The following ZFHX4 variants were observed in gnomAD, a reference collection of about 807,000 sequenced individuals.
ZFHX4 encodes the protein zinc finger homeobox protein 4.
Under a neutral mutation model 267.6 loss-of-function variants are expected in ZFHX4, and 56 were observed. The observed-to-expected ratio is 0.21, with a 90% CI of 0.17 to 0.26. The LOEUF (loss-of-function observed/expected upper bound fraction) is 0.26, where lower values mean the gene tolerates loss of function less well. ZFHX4 is among the 10% of genes least tolerant of loss of function. ZFHX4 has a pLI of 1.00. For missense variants in ZFHX4, 4,332 were observed against 4,420.0 expected (o/e 0.98, Z 0.56); for synonymous variants, 1,778 against 1,665.6 (o/e 1.07, Z -1.64).
chr8:76,705,599 A>G lies in ZFHX4; in HGVS notation c.1511A>G (p.Asn504Ser). 1 of 1,613,812 alleles carries G rather than the reference A, an allele frequency of 6.2e-7. No homozygotes were observed. Among genetic ancestry groups the G allele is most frequent in the Non-Finnish European group, 8.5e-7 (1 of 1,179,800 alleles). ...GGTAACAAAGATTTCCCTCTCTTAA[A>G]CCAAAGCATTTCTCCTTTATCATCC... ...SIGNKDFPLLNQSISPLSSSV... is the reference protein window; with the variant it reads ...SIGNKDFPLLSQSISPLSSSV... Residue 504 changes from asparagine to serine, a missense_variant, in exon 2 of 11, where the codon AAC (asparagine) becomes AGC (serine). By Grantham distance (46) the Asn-to-Ser change is conservative. Coordinates refer to ENST00000651372, the MANE Select transcript of ZFHX4 (RefSeq NM_024721.5).
intron 3 of ZFHX4, among the ~76,000 whole-genome samples, chr8:76,743,631 T>A (rs1809379608): frequency 6.6e-6 from 1 of 152,178 alleles, no homozygotes; most frequent in African/African-American, 2.4e-5. Flanking sequence ...AGCTAGAACA[T>A]TTTACTAAGT....
intron 1 of ZFHX4, among the ~76,000 whole-genome samples, chr8:76,682,253 C>A (rs2131566183): frequency 6.6e-6 from 1 of 152,306 alleles, no homozygotes; most frequent in South Asian, 2.1e-4. Flanking sequence ...CCCACCCCAC[C>A]TTATTCAGCC....
intron 4 of ZFHX4, among the ~76,000 whole-genome samples, chr8:76,794,700 A>T (rs1810925555): frequency 6.6e-6 from 1 of 152,186 alleles, no homozygotes; most frequent in African/African-American, 2.4e-5. Context: ...AGTTTAACCT[A>T]AGTACAAAAC....
intron 3 of ZFHX4, among the ~76,000 whole-genome samples, chr8:76,769,958 C>A (rs568975795): frequency 1.3e-5 from 2 of 152,082 alleles, no homozygotes; most frequent in Non-Finnish European, 2.9e-5. Context: ...GAGCTGCTGC[C>A]TCCTGCTACT....
rs1363835417 is a variant in ZFHX4 at position 76,855,079 on chromosome 8, G to C, written c.8158G>C (p.Gly2720Arg). 6.2e-7 allele frequency: 1 copy of C among 1,613,756 alleles called. No individual in the cohort carries two copies. Among genetic ancestry groups the C allele is most frequent in the Non-Finnish European group, 8.5e-7 (1 of 1,179,846 alleles). ...AAGCCCTTTAATATCCACCGAAGAT[G>C]GGGGAGAAAGCCCACAGAAATACAT... is the stretch of plus-strand genomic sequence containing the variant. Reference protein sequence around the residue: ...PPSPLISTEDGGESPQKYIYF... With the variant: ...PPSPLISTEDRGESPQKYIYF... The change falls in exon 10 of 11, where the codon GGG (glycine) becomes CGG (arginine). Residue 2720 changes from glycine (G) to arginine (R), a missense_variant. Gly to Arg is a moderately radical substitution (Grantham distance 125). Around this residue, in one of 7 missense-constraint regions of ZFHX4, gnomAD observed 1,648 missense variants for 1,625.0 expected, o/e 1.01. Coordinates refer to ENST00000651372, the MANE Select transcript of ZFHX4 (RefSeq NM_024721.5).
intron 3 of ZFHX4, among the ~76,000 whole-genome samples, chr8:76,735,307 A>T (rs1220211310): frequency 6.6e-6 from 1 of 152,074 alleles, no homozygotes; most frequent in Non-Finnish European, 1.5e-5. Context: ...AATTCATCAC[A>T]ATGGTCTTCA....
At position 76,855,213 on chromosome 8, in the gene ZFHX4, G is replaced by A. The variant is rs1309572592; in HGVS notation, c.8292G>A (p.Pro2764=). 13 of 1,612,362 alleles carry A rather than the reference G, an allele frequency of 8.1e-6. No homozygotes were observed. In the East Asian group the frequency reaches 1.1e-4, roughly 14 times the overall value. ...TTAGTAAAACAGCAGAGCTGTCACC[G>A]AAGAATCTTTTAAGCCCTTCTTCTT... ...TPVSKTAELS[P]KNLLSPSSFK... is the part of the protein sequence containing the mutation. Residue 2764 remains proline (P), a synonymous_variant, in exon 10 of 11, where the codon CCG becomes CCA. Transcript: ENST00000651372.
intron 4 of ZFHX4, among the ~76,000 whole-genome samples, chr8:76,816,788 G>T (rs1307746763): frequency 2.0e-5 from 3 of 151,876 alleles, no homozygotes; most frequent in Non-Finnish European, 4.4e-5. Context: ...TAGAGACGTG[G>T]TTTCTCCATG....
At position 76,683,232 on chromosome 8, in the gene ZFHX4, AC is replaced by A. The variant is rs138318531; in HGVS notation, c.-47+1620del. On this transcript the variant is annotated intron_variant, in intron 1 of 10. Coordinates refer to ENST00000651372, the MANE Select transcript of ZFHX4 (RefSeq NM_024721.5). ...CCAAAGGTTCAGATCGCAAACACGGACCCCCCCCACCTCGACCCCTACACAC... is the reference window on the plus strand; with the variant it reads ...CCAAAGGTTCAGATCGCAAACACGGACCCCCCCACCTCGACCCCTACACAC... 8.3e-5 allele frequency: 12 copies of A among 143,818 alleles called. No individual in the cohort carries two copies. In the East Asian group the frequency reaches 8.7e-4, roughly 10 times the overall value. 8.9% of individuals were successfully genotyped at this position (143,818 alleles called of 1,614,324 possible).
At chr8:76,697,801 T>A (rs1049218642) in intron 1 of ZFHX4, among the ~76,000 whole-genome samples, 1 of 152,038 alleles carries the variant, frequency 6.6e-6, no homozygotes, top group African/African-American at 2.4e-5. Context: ...GATTAATATT[T>A]TTTTAAGGAA....
chr8:76,769,424 A>G (rs1029676623), intron 3 of ZFHX4, among the ~76,000 whole-genome samples: 3 of 151,374 alleles, frequency 2.0e-5, no homozygotes, highest in African/African-American at 7.3e-5. Context: ...ATCACCATTC[A>G]CTATGGCCTT....
chr8:76,815,322 G>A lies in ZFHX4; in HGVS notation c.3326-18016G>A, dbSNP rs563959870. ...CTGCTATAACAAAACACCATACAAT[G>A]CGTAGCTTATAAACAACAGGTGTTT... On this transcript the variant is annotated intron_variant, in intron 4 of 10. Coordinates refer to ENST00000651372, the MANE Select transcript of ZFHX4 (RefSeq NM_024721.5). Among the ~76,000 whole-genome samples, 348 of 152,246 alleles carry A rather than the reference G, an allele frequency of 2.3e-3. 1 individual carries two copies. Among genetic ancestry groups the A allele is most frequent in the Non-Finnish European group, 4.0e-3 (271 of 68,018 alleles).
intron 3 of ZFHX4, among the ~76,000 whole-genome samples, chr8:76,721,933 T>C (rs1358096674): frequency 6.6e-6 from 1 of 152,162 alleles, no homozygotes; most frequent in Admixed American, 6.6e-5. Context: ...CTTTTCTTGC[T>C]AACTGACAGG....
At position 76,792,719 on chromosome 8, in the gene ZFHX4, T is replaced by G. The variant is rs113402705; in HGVS notation, c.3325+14280T>G. Among the ~76,000 whole-genome samples, 1,128 of 152,336 alleles carry G rather than the reference T, an allele frequency of 7.4e-3. 19 individuals carry two copies. The highest frequency in any genetic ancestry group is 0.024 in the African/African-American group (993 of 41,586). On this transcript the variant is annotated intron_variant, in intron 4 of 10. Coordinates refer to ENST00000651372, the MANE Select transcript of ZFHX4 (RefSeq NM_024721.5). The stretch of plus-strand genomic sequence containing the variant: ...CACCAAAGTTGTAACAAGGTGCCCA[T>G]GGCTGTATTGTCTACTGGTTCTTAA...
intron 4 of ZFHX4, among the ~76,000 whole-genome samples, chr8:76,804,053 A>G (rs912756202): frequency 6.6e-5 from 10 of 152,122 alleles, no homozygotes; most frequent in Non-Finnish European, 1.2e-4. Flanking sequence ...GGAATCTGAG[A>G]TGGTTTCCTT....
chr8:76,856,103 A>T lies in ZFHX4; in HGVS notation c.9182A>T (p.Gln3061Leu). ...ACCACGGTTCGGCAGCTGATGGCAC[A>T]GCAAGAACTTGATCGTATAAAGAAA... ...APTTVRQLMA[Q>L]QELDRIKKAS... Residue 3061 changes from glutamine to leucine, a missense_variant, in exon 10 of 11, where the codon CAG becomes CTG. By Grantham distance (113) the Gln-to-Leu change is moderately radical (BLOSUM62 -2). Around this residue, in one of 7 missense-constraint regions of ZFHX4, gnomAD observed 1,648 missense variants for 1,625.0 expected, o/e 1.01. Coordinates refer to ENST00000651372, the MANE Select transcript of ZFHX4 (RefSeq NM_024721.5). 6.2e-7 allele frequency: 1 copy of T among 1,614,012 alleles called. No individual in the cohort carries two copies. The highest frequency in any genetic ancestry group is 8.5e-7 in the Non-Finnish European group (1 of 1,179,876).
chr8:76,769,701 T>C (rs1001124824), intron 3 of ZFHX4, among the ~76,000 whole-genome samples: 1 of 152,200 alleles, frequency 6.6e-6, no homozygotes, highest in African/African-American at 2.4e-5. Context: ...GCTCTATTTG[T>C]GGAGTCAAAG....
At chr8:76,725,211 A>G (rs919197087) in intron 3 of ZFHX4, among the ~76,000 whole-genome samples, 6 of 152,086 alleles carry the variant, frequency 3.9e-5, no homozygotes, top group African/African-American at 1.4e-4. Flanking sequence ...AAACAAGCAA[A>G]TAAATATGGT....
chr8:76,773,268 CTATAGTCAGAT>C (rs1466004621), intron 3 of ZFHX4, among the ~76,000 whole-genome samples: 1 of 152,074 alleles, frequency 6.6e-6, no homozygotes. Context: ...TATATTCAGA[CTATAGTCAGAT>C]ATATTCATAA....
Sources: gnomAD v4.1 joint callset for allele counts (sites outside exome capture counted in the v4.1 genomes callset) on GRCh38, gnomAD v4.1.1 for gene constraint, gnomAD v4.1.1 regional missense constraint, MANE v1.5 for transcripts, NCBI Gene and HGNC (gene_info 2026-07-23, HGNC 2026-07-21) for gene names.